Variants in SCLY observed in about 807,000 individuals in gnomAD.
SCLY encodes the protein selenocysteine lyase, also known as putative selenocysteine lyase.
A neutral mutation model predicts 50.1 loss-of-function variants in SCLY; 38 were observed. The observed-to-expected ratio is 0.76, with a 90% CI of 0.59 to 0.99. The LOEUF (loss-of-function observed/expected upper bound fraction) is 0.99, where lower values mean the gene tolerates loss of function less well. Ranked by LOEUF, SCLY falls within the 50% of genes least tolerant of loss-of-function variation. The pLI, the probability that SCLY is intolerant of heterozygous loss-of-function variation, is 0.00. For synonymous variants in SCLY, 243 were observed against 249.4 expected, an observed-to-expected ratio of 0.97 and a Z score of 0.24; for missense variants, 600 against 620.0, an observed-to-expected ratio of 0.97 and a Z score of 0.34.
chr2:238,061,614 A>G (rs1226118325), intron 1 of SCLY, among the ~76,000 whole-genome samples: 1 of 152,174 alleles, frequency 6.6e-6, no homozygotes. Context: ...GGGCGCGGGT[A>G]GGCATGGGAC....
chr2:238,061,778 G>GA (rs1393955991), intron 1 of SCLY, among the ~76,000 whole-genome samples: 6 of 152,170 alleles, frequency 3.9e-5, no homozygotes, highest in Non-Finnish European at 7.3e-5. Context: ...CCAGCTGCAG[G>GA]AAACGGGATG....
rs1020845063 is a variant in SCLY at position 238,083,688 on chromosome 2, G to A, written c.884+334G>A. 3.9e-5 allele frequency among the ~76,000 whole-genome samples: 6 copies of A among 152,200 alleles called. No homozygotes were observed. The highest frequency in any genetic ancestry group is 9.7e-5 in the African/African-American group (4 of 41,444). ...TGAGGCCTGCTGCTGTTTTAACTTC[G>A]GGGATCAGCAGGACCACACAGAAGC... On this transcript the variant is annotated intron_variant, in intron 7 of 11. Transcript: ENST00000254663. The surrounding 1 kb of genome is among the most constrained non-coding windows in gnomAD (Gnocchi z 4.3).
At chr2:238,070,138 G>A in intron 4 of SCLY, among the ~76,000 whole-genome samples, 1 of 152,204 alleles carries the variant, frequency 6.6e-6, no homozygotes, top group East Asian at 1.9e-4. Flanking sequence ...AGCACGGACA[G>A]AGCCACAGAG....
intron 6 of SCLY, 106 bp downstream of exon 6, chr2:238,082,315 G>A (rs1474802198): frequency 8.4e-7 from 1 of 1,191,842 alleles, no homozygotes; most frequent in African/African-American, 1.5e-5. Context: ...CCAGGCCTTG[G>A]GGGCACTGCG....
rs1691345830 is a variant in SCLY, at chr2:238,098,648, G to A, written c.*293G>A. 1 of 427,186 alleles carries A rather than the reference G, an allele frequency of 2.3e-6. No homozygotes were observed. The highest frequency in any genetic ancestry group is 4.2e-6 in the Non-Finnish European group (1 of 237,260). The allele number at this position is 427,186 out of a possible 1,614,324, so 26.5% of individuals were successfully genotyped here. A position where few individuals can be genotyped will look rare whatever the true frequency, so the allele number is the denominator to read the frequency against. On this transcript the variant is annotated 3_prime_UTR_variant, in exon 12 of 12. Transcript: ENST00000254663. ...CCGCCCACATGGGACCGCCCACATG[G>A]GACCGCCCACATAGAACCGTCCTCC...
chr2:238,096,841 T>C lies in SCLY; in HGVS notation c.1149T>C (p.Ser383=), dbSNP rs757862454. The change falls in exon 11 of 12, where the codon AGT becomes AGC. Residue 383 remains serine (S), a synonymous_variant. Transcript: ENST00000254663. The part of the protein sequence containing the change: ...VLAQCRVLMA[S]VGAACHSDHG... ...CGCAGTGCCGAGTGCTGATGGCCAG[T>C]GTGGGGGCCGCGTGCCACTCGGACC... 1.9e-6 allele frequency: 3 copies of C among 1,612,564 alleles called. No individual in the cohort carries two copies. Among genetic ancestry groups the C allele is most frequent in the South Asian group, 1.1e-5 (1 of 90,816 alleles).
At chr2:238,094,818 G>A (rs981252845) in intron 10 of SCLY, 6 of 391,312 alleles carry the variant, frequency 1.5e-5, no homozygotes, top group South Asian at 7.8e-5. Flanking sequence ...CGTCAGGGAA[G>A]GAAGCAACAT....
intron 7 of SCLY, among the ~76,000 whole-genome samples, chr2:238,088,008 C>T (rs1025442372): frequency 4.6e-5 from 7 of 152,260 alleles, no homozygotes; most frequent in Admixed American, 2.0e-4. Flanking sequence ...AGGAGGATTG[C>T]TTGAGTGAGC....
intron 4 of SCLY, among the ~76,000 whole-genome samples, chr2:238,072,416 G>T (rs2065136674): frequency 1.3e-5 from 2 of 152,192 alleles, no homozygotes; most frequent in East Asian, 1.9e-4. Context: ...GCTGGGTCAT[G>T]CGGTAACTAT....
chr2:238,084,893 C>A (rs1178711659), intron 7 of SCLY, among the ~76,000 whole-genome samples: 76 of 107,472 alleles, frequency 7.1e-4, no homozygotes, highest in South Asian at 2.6e-3. Context: ...GACTCCATCT[C>A]AAAAAAAAAA....
At chr2:238,081,538 A>G (rs1370591300) in intron 4 of SCLY, 171 bp from the exon 5 acceptor site, 7 of 810,750 alleles carry the variant, frequency 8.6e-6, no homozygotes, top group African/African-American at 1.7e-5. Context: ...AGCACCTGAC[A>G]GTGACTCTGG....
chr2:238,071,351 C>T lies in SCLY; in HGVS notation c.484+1874C>T, dbSNP rs536512701. Among the ~76,000 whole-genome samples, 8 of 152,248 alleles carry T rather than the reference C, an allele frequency of 5.3e-5. No homozygotes were observed. In the East Asian group the frequency reaches 1.5e-3, roughly 29 times the overall value. ...CCAGGGCACGGTGGCTCACGCCTGT[C>T]ATCCCGGCACTTTGGGAGGCTGAGG... is the stretch of plus-strand genomic sequence containing the variant. On this transcript the variant is annotated intron_variant, in intron 4 of 11. Transcript: ENST00000254663.
intron 1 of SCLY, among the ~76,000 whole-genome samples, chr2:238,062,009 TG>T (rs2065023428): frequency 6.6e-6 from 1 of 152,170 alleles, no homozygotes; most frequent in African/African-American, 2.4e-5. Context: ...TGGAACAAAG[TG>T]AAGGGATCTG....
At position 238,077,953 on chromosome 2, in the gene SCLY, CT is replaced by C. The variant is rs368187450; in HGVS notation, c.485-3739del. On this transcript the variant is annotated intron_variant, in intron 4 of 11. Coordinates refer to ENST00000254663, the MANE Select transcript of SCLY (RefSeq NM_016510.7). ...GACACATGGGTCTCCTGTAGATTCT[CT>C]TTTTTTTTTTTTTTTTAGACGGAAT... is the stretch of plus-strand genomic sequence containing the variant. 4.0e-3 allele frequency among the ~76,000 whole-genome samples: 548 copies of C among 138,190 alleles called. 5 individuals carry two copies. The highest frequency in any genetic ancestry group is 0.021 in the East Asian group (102 of 4,944). 90.7% of individuals were successfully genotyped at this position (138,190 alleles called of 152,430 possible).
intron 9 of SCLY, 141 bp from the exon 10 acceptor site, chr2:238,094,279 C>G: frequency 1.4e-6 from 1 of 733,530 alleles, no homozygotes; most frequent in Admixed American, 2.5e-5. Flanking sequence ...CATAGTCCGT[C>G]CCCGTAACTA....
chr2:238,065,379 A>G (rs1354085600), intron 2 of SCLY, among the ~76,000 whole-genome samples: 4 of 152,192 alleles, frequency 2.6e-5, no homozygotes, highest in Non-Finnish European at 5.9e-5. Context: ...AGACTTGAAA[A>G]TATGGAGAAT....
chr2:238,068,280 G>T (rs1049186160), intron 3 of SCLY, 115 bp downstream of exon 3: 10 of 805,600 alleles, frequency 1.2e-5, no homozygotes, highest in African/African-American at 1.8e-5. Context: ...CAAGTGTGGT[G>T]GCTCATGCCT....
intron 6 of SCLY, chr2:238,082,890 C>G (rs542907808): frequency 3.6e-5 from 12 of 331,466 alleles, no homozygotes; most frequent in African/African-American, 2.4e-4. Context: ...ACCGCTGGTT[C>G]CAACCCCTCT....
chr2:238,097,365 G>A (rs530141106), intron 11 of SCLY, among the ~76,000 whole-genome samples: 46 of 121,762 alleles, frequency 3.8e-4, no homozygotes, highest in African/African-American at 1.6e-3. Flanking sequence ...GGGGTAGAGG[G>A]CGTGGGGTGC....
Sources: gnomAD v4.1 joint callset for allele counts (sites outside exome capture counted in the v4.1 genomes callset) on GRCh38, gnomAD v4.1.1 for gene constraint, Gnocchi (gnomAD v3.1) non-coding constraint, MANE v1.5 for transcripts, NCBI Gene and HGNC (gene_info 2026-07-23, HGNC 2026-07-21) for gene names.